Variants in CSK observed in about 807,000 individuals in gnomAD.
CSK encodes C-terminal Src kinase, also known as tyrosine-protein kinase CSK.
In CSK, 7 loss-of-function variants were observed where a neutral mutation model predicts 62.3. That is an observed-to-expected ratio of 0.11 (90% CI 0.06 to 0.21). CSK has a LOEUF of 0.21. Among genes scored for constraint, CSK ranks in the 10% least tolerant of loss-of-function variants. The pLI is 1.00. For missense variants in CSK, 294 were observed against 613.5 expected (o/e 0.48, Z 5.50); for synonymous variants, 237 against 246.0 (o/e 0.96, Z 0.34).
At chr15:74,800,645 A>G (rs1327286906) in intron 6 of CSK, 36 bp from the exon 7 acceptor site, 2 of 1,537,974 alleles carry the variant, frequency 1.3e-6, no homozygotes, top group Non-Finnish European at 1.8e-6. Flanking sequence ...CCATGTCCCT[A>G]GTGGCCTCCA....
At chr15:74,785,802 G>C (rs899127678) in intron 1 of CSK, among the ~76,000 whole-genome samples, 1 of 152,030 alleles carries the variant, frequency 6.6e-6, no homozygotes, top group Non-Finnish European at 1.5e-5. Context: ...CTGGCCCTGA[G>C]GTTCTAGAAT....
Position 74,800,682 on chromosome 15 carries a change from C to A in CSK, c.558C>A (p.Ser186Arg). The change falls in exon 7 of 13, where the codon AGC becomes AGA. Residue 186 changes from serine (S) to arginine (R), a missense_variant and splice_region_variant. This residue lies in a region of CSK where 202 missense variants were observed against 415.7 expected (regional missense o/e 0.49). Transcript: ENST00000220003. ...TVAAQDEFYR[S>R]GWALNMKELK... Reference sequence around the variant, plus strand: ...GCCCTCACTGGCCCCTCCCCACAGGCGGCTGGGCCCTGAACATGAAGGAGC... The same window carrying A: ...GCCCTCACTGGCCCCTCCCCACAGGAGGCTGGGCCCTGAACATGAAGGAGC... 6.5e-7 allele frequency: 1 copy of A among 1,547,644 alleles called. No individual in the cohort carries two copies. The highest frequency in any genetic ancestry group is 1.2e-5 in the South Asian group (1 of 83,766).
chr15:74,797,429 G>A (rs1170462214), intron 1 of CSK, among the ~76,000 whole-genome samples: 1 of 152,144 alleles, frequency 6.6e-6, no homozygotes, highest in Non-Finnish European at 1.5e-5. Flanking sequence ...GGTGGTGCAT[G>A]CCTGTAATCC....
intron 1 of CSK, among the ~76,000 whole-genome samples, chr15:74,786,000 C>CTTTTTTTTTT (rs1232728038): frequency 4.2e-4 from 25 of 59,924 alleles, no homozygotes; most frequent in South Asian, 1.3e-3. Context: ...CTCTCTCTCT[C>CTTTTTTTTTT]TCTTTTTTTT....
chr15:74,792,086 C>G (rs1448703873), intron 1 of CSK, among the ~76,000 whole-genome samples: 1 of 152,100 alleles, frequency 6.6e-6, no homozygotes, highest in East Asian at 1.9e-4. Context: ...TAGAGATCTC[C>G]CCTGGCCCCA....
At chr15:74,802,134 G>T (rs1223755301) in intron 12 of CSK, 51 bp downstream of exon 12, 1 of 1,582,278 alleles carries the variant, frequency 6.3e-7, no homozygotes, top group Admixed American at 1.7e-5. Flanking sequence ...CGGAGGGGTT[G>T]GCAGGGGCGT....
intron 1 of CSK, among the ~76,000 whole-genome samples, chr15:74,789,403 C>T (rs1375598118): frequency 1.3e-5 from 2 of 152,174 alleles, no homozygotes; most frequent in East Asian, 1.9e-4. Context: ...TGGAAGCCCT[C>T]GGGCACCCTT....
At chr15:74,785,919 C>T (rs956899399) in intron 1 of CSK, among the ~76,000 whole-genome samples, 1 of 151,868 alleles carries the variant, frequency 6.6e-6, no homozygotes, top group African/African-American at 2.4e-5. Flanking sequence ...GGTTAGGGTC[C>T]GGGACCTGAC....
chr15:74,786,349 C>T (rs781265582), intron 1 of CSK, among the ~76,000 whole-genome samples: 9 of 152,144 alleles, frequency 5.9e-5, no homozygotes, highest in Admixed American at 2.0e-4. Flanking sequence ...TCCTGCCTCC[C>T]AGCTCTGGCT....
intron 1 of CSK, among the ~76,000 whole-genome samples, chr15:74,785,998 C>CTTT (rs1297278876): frequency 4.5e-5 from 2 of 44,910 alleles, no homozygotes; most frequent in Admixed American, 1.5e-4. Context: ...CTCTCTCTCT[C>CTTT]TCTCTTTTTT....
intron 1 of CSK, among the ~76,000 whole-genome samples, chr15:74,793,592 G>C: frequency 6.6e-6 from 1 of 152,176 alleles, no homozygotes; most frequent in Non-Finnish European, 1.5e-5. Flanking sequence ...CTCACTTGGG[G>C]TTCTCATCTG....
chr15:74,798,128 G>A lies in CSK; in HGVS notation c.-65-105G>A, dbSNP rs550851569. On this transcript the variant is annotated intron_variant, in intron 1 of 12. Transcript: ENST00000220003. The surrounding 1 kb of genome is among the most constrained non-coding windows in gnomAD (Gnocchi z 6.6). ...AATGGCCCATGTGTCAAATCCCAGC[G>A]CAGGACACTCTTGGCACCTGTTCAT... The A allele has an allele frequency of 9.9e-5, 65 of 654,948 alleles. No homozygotes were observed. In the South Asian group the frequency reaches 1.0e-3, roughly 10 times the overall value. 40.6% of individuals were successfully genotyped at this position (654,948 alleles called of 1,614,324 possible). A position where few individuals can be genotyped will look rare whatever the true frequency, so the allele number is the denominator to read the frequency against.
chr15:74,794,647 G>C (rs971199453), intron 1 of CSK, among the ~76,000 whole-genome samples: 18 of 152,126 alleles, frequency 1.2e-4, no homozygotes, highest in Non-Finnish European at 2.2e-4. Context: ...CCCCTCCTCA[G>C]CCAGCTTGCA....
rs916890311 is a variant in CSK, at chr15:74,782,973, C to T, written c.-66+253C>T. ...CTCGTCTTCTCGGGTCATCCCGAGT[C>T]CCCCCCTCTGTGGAGCTCAGAGTAG... On this transcript the variant is annotated intron_variant, in intron 1 of 12. Coordinates refer to ENST00000220003, the MANE Select transcript of CSK (RefSeq NM_004383.3). The surrounding 1 kb of genome is among the most constrained non-coding windows in gnomAD (Gnocchi z 5.7). Among the ~76,000 whole-genome samples the T allele has an allele frequency of 6.6e-6, 1 of 152,166 alleles. No individual in the cohort carries two copies. The highest frequency in any genetic ancestry group is 1.5e-5 in the Non-Finnish European group (1 of 67,998).
At chr15:74,791,387 T>C (rs1265450647) in intron 1 of CSK, among the ~76,000 whole-genome samples, 1 of 152,232 alleles carries the variant, frequency 6.6e-6, no homozygotes, top group Admixed American at 6.5e-5. Context: ...CTATCTCTTC[T>C]TTTATCTACA....
rs181167856 is a variant in CSK, at chr15:74,787,549, G to A, written c.-66+4829G>A. Among the ~76,000 whole-genome samples the A allele has an allele frequency of 4.6e-5, 7 of 152,252 alleles. No individual in the cohort carries two copies. In the East Asian group the frequency reaches 1.4e-3, roughly 29 times the overall value. Reference sequence around the variant, plus strand: ...AGGCCCCCAGGGACTGGAGGGCCCTGTGCAGCCCAGCCTGCCCTTTCTGCC... The same window carrying A: ...AGGCCCCCAGGGACTGGAGGGCCCTATGCAGCCCAGCCTGCCCTTTCTGCC... On this transcript the variant is annotated intron_variant, in intron 1 of 12. Coordinates refer to ENST00000220003, the MANE Select transcript of CSK (RefSeq NM_004383.3).
At chr15:74,785,808 A>G (rs1446100040) in intron 1 of CSK, among the ~76,000 whole-genome samples, 3 of 152,016 alleles carry the variant, frequency 2.0e-5, no homozygotes, top group Admixed American at 1.3e-4. Context: ...CTGAGGTTCT[A>G]GAATACTATG....
chr15:74,790,976 T>G (rs1417039756), intron 1 of CSK: 7 of 152,182 alleles, frequency 4.6e-5, no homozygotes, highest in African/African-American at 1.7e-4. Context: ...TTATTTCCAG[T>G]TTTAAGGGGG....
chr15:74,802,222 C>G, intron 12 of CSK, 109 bp from the exon 13 acceptor site: 1 of 1,405,122 alleles, frequency 7.1e-7, no homozygotes. Context: ...AGGCCACTCT[C>G]CGGGCCTGGG....
Sources: allele counts gnomAD v4.1 joint callset (sites outside exome capture counted in the v4.1 genomes callset), GRCh38; gene constraint gnomAD v4.1.1; regional missense constraint gnomAD v4.1.1; non-coding constraint Gnocchi (gnomAD v3.1); transcripts MANE v1.5; gene names NCBI Gene and HGNC (gene_info 2026-07-23, HGNC 2026-07-21).